TACC1: variants seen among roughly 807,000 people sequenced by gnomAD.
TACC1 encodes the protein transforming acidic coiled-coil containing protein 1.
Under a neutral mutation model 84.4 loss-of-function variants are expected in TACC1, and 48 were observed. That is an observed-to-expected ratio of 0.57 (90% CI 0.45 to 0.72). The LOEUF is 0.72. Among genes scored for constraint, TACC1 ranks in the 30% least tolerant of loss-of-function variants. The pLI is 0.00. For missense variants in TACC1, 920 were observed against 973.0 expected (o/e 0.95, Z 0.72); for synonymous variants, 372 against 376.3 (o/e 0.99, Z 0.13).
At chr8:38,783,106 CTATATA>C (rs72048692), upstream of TACC1, among the ~76,000 whole-genome samples, 2,269 of 87,382 alleles carry the variant, frequency 0.026, 81 homozygotes, top group African/African-American at 0.074. Context: ...ATCTATCTAT[CTATATA>C]TATATATATA....
chr8:38,840,821 A>G (rs1340598359), intron 9 of TACC1, among the ~76,000 whole-genome samples: 1 of 152,144 alleles, frequency 6.6e-6, no homozygotes, highest in Non-Finnish European at 1.5e-5. Flanking sequence ...AGGCTTGGGT[A>G]GGTGGATCAC....
intron 3 of TACC1, among the ~76,000 whole-genome samples, chr8:38,821,291 A>G (rs752496162): frequency 1.3e-5 from 2 of 152,230 alleles, no homozygotes; most frequent in Non-Finnish European, 2.9e-5. Flanking sequence ...GTCGTGTTAT[A>G]GACAATTCAA....
intron 5 of TACC1, chr8:38,827,714 G>A: frequency 3.8e-6 from 1 of 264,386 alleles, no homozygotes; most frequent in Admixed American, 5.0e-5. Flanking sequence ...ACCTGAGAAT[G>A]GCTAATTTAT....
chr8:38,754,234 G>A (rs1169598519), intron 3 of TACC1, among the ~76,000 whole-genome samples: 5 of 152,108 alleles, frequency 3.3e-5, no homozygotes, highest in Non-Finnish European at 5.9e-5. Flanking sequence ...TTACAGGTGT[G>A]AGCCACCGCG....
In TACC1 at chr8:38,820,652, G is replaced by A. The variant is rs758604617; in HGVS notation, c.1391+17G>A. ...TTTAATAACGTGAGTGACAGTGGGC[G>A]CTGGGTGTCGTGCTCTGTGTCTTGT... On this transcript the variant is annotated intron_variant, in intron 3 of 12. Transcript: ENST00000317827. 15 of 1,590,444 alleles carry A rather than the reference G, an allele frequency of 9.4e-6. No homozygotes were observed. The East Asian group carries it at 1.3e-4, about 14-fold the overall frequency.
intron 6 of TACC1, among the ~76,000 whole-genome samples, chr8:38,831,400 A>G (rs1435343059): frequency 6.6e-6 from 1 of 152,226 alleles, no homozygotes; most frequent in African/African-American, 2.4e-5. Flanking sequence ...AAGAAGAAGC[A>G]TAAATGTCTC....
rs558804902 is a variant in TACC1 at position 38,848,472 on chromosome 8, T to A, written c.*449T>A. ...TATTTAAGGAGACAGTTTGGCCTAT[T>A]GTTACTTCCAATTTATAATCAAGAA... On this transcript the variant is annotated 3_prime_UTR_variant, in exon 13 of 13. Transcript: ENST00000317827. The A allele has an allele frequency of 1.1e-4, 17 of 153,248 alleles. No individual in the cohort carries two copies. Among genetic ancestry groups the A allele is most frequent in the Non-Finnish European group, 2.2e-4 (15 of 68,478 alleles). The allele number at this position is 153,248 out of a possible 1,614,324, so 9.5% of individuals were successfully genotyped here. A position where few individuals can be genotyped will look rare whatever the true frequency, so the allele number is the denominator to read the frequency against.
At chr8:38,809,688 T>C (rs6474501) in intron 2 of TACC1, among the ~76,000 whole-genome samples, 3,605 of 152,172 alleles carry the variant, frequency 0.024, 129 homozygotes, top group African/African-American at 0.075. Context: ...GACTCCTTTC[T>C]TTGGGGGCTG....
At chr8:38,772,431 C>T (rs940708419) in intron 3 of TACC1, among the ~76,000 whole-genome samples, 1 of 152,218 alleles carries the variant, frequency 6.6e-6, no homozygotes, top group African/African-American at 2.4e-5. Flanking sequence ...GATTGCTCAT[C>T]ACGGTTTCAT....
At chr8:38,802,467 A>G (rs1385299888) in intron 2 of TACC1, among the ~76,000 whole-genome samples, 1 of 151,974 alleles carries the variant, frequency 6.6e-6, no homozygotes, top group Admixed American at 6.6e-5. Flanking sequence ...ATGCCTGATG[A>G]TCTGAGCTGG....
chr8:38,783,108 A>ATC (rs1414152135), upstream of TACC1, among the ~76,000 whole-genome samples: 3,798 of 84,388 alleles, frequency 0.045, 54 homozygotes, highest in African/African-American at 0.088. Context: ...CTATCTATCT[A>ATC]TATATATATA....
chr8:38,780,885 A>G (rs1815814176), intron 3 of TACC1, among the ~76,000 whole-genome samples: 1 of 152,176 alleles, frequency 6.6e-6, no homozygotes, highest in Non-Finnish European at 1.5e-5. Context: ...GCTGTGTATC[A>G]TGTCACAGAG....
chr8:38,795,843 C>A (rs1314595374), intron 2 of TACC1, among the ~76,000 whole-genome samples: 1 of 152,168 alleles, frequency 6.6e-6, no homozygotes, highest in Non-Finnish European at 1.5e-5. Context: ...TTCAAACAAA[C>A]ATGATTAGAT....
chr8:38,739,186 G>A (rs1176459879), intron 1 of TACC1, among the ~76,000 whole-genome samples: 1 of 152,190 alleles, frequency 6.6e-6, no homozygotes, highest in Non-Finnish European at 1.5e-5. Flanking sequence ...CATGTGTGCT[G>A]ACTTCTATGT....
Position 38,820,607 on chromosome 8 carries a change from C to G in TACC1, c.1363C>G (p.Pro455Ala). The part of the protein sequence containing the change: ...GNHVNEILES[P>A]KKAKSRLITS... ...TCACGTTAATGAAATCTTAGAATCACCCAAGAAGGCAAAGTCGCGTTTAAT... is the reference window on the plus strand; with the variant it reads ...TCACGTTAATGAAATCTTAGAATCAGCCAAGAAGGCAAAGTCGCGTTTAAT... The change falls in exon 3 of 13, where the codon CCC (proline) becomes GCC (alanine). Residue 455 changes from proline (P) to alanine (A), a missense_variant. Transcript: ENST00000317827. The G allele has an allele frequency of 1.2e-6, 2 of 1,610,098 alleles. No homozygotes were observed. The highest frequency in any genetic ancestry group is 1.7e-6 in the Non-Finnish European group (2 of 1,179,752).
chr8:38,811,651 T>G (rs1824169003), intron 2 of TACC1, among the ~76,000 whole-genome samples: 1 of 152,246 alleles, frequency 6.6e-6, no homozygotes, highest in African/African-American at 2.4e-5. Flanking sequence ...CTTACTTTAA[T>G]CTCTTAATCC....
intron 2 of TACC1, among the ~76,000 whole-genome samples, chr8:38,801,993 A>G (rs1821479319): frequency 6.6e-6 from 1 of 152,180 alleles, no homozygotes; most frequent in Admixed American, 6.5e-5. Context: ...GGCTCACTGC[A>G]GCCTCAACCT....
rs571347250 is a variant in TACC1, at chr8:38,816,555, A to G, written c.278-2967A>G. ...ACTGGCTATAAATTTGGGGATTCTC[A>G]TAACTCCTCTTCTCAGTTTCAGTAA... On this transcript the variant is annotated intron_variant, in intron 2 of 12. Coordinates refer to ENST00000317827, the MANE Select transcript of TACC1 (RefSeq NM_006283.3). 5.9e-5 allele frequency among the ~76,000 whole-genome samples: 9 copies of G among 152,312 alleles called. No individual in the cohort carries two copies. The South Asian group carries it at 1.9e-3, about 32-fold the overall frequency.
chr8:38,797,213 C>T (rs1354624149), intron 2 of TACC1, among the ~76,000 whole-genome samples: 1 of 152,250 alleles, frequency 6.6e-6, no homozygotes, highest in African/African-American at 2.4e-5. Flanking sequence ...GTGACTTAGC[C>T]TCAAAAGTCA....
Sources: allele counts gnomAD v4.1 joint callset (sites outside exome capture counted in the v4.1 genomes callset), GRCh38; gene constraint gnomAD v4.1.1; transcripts MANE v1.5; gene names NCBI Gene and HGNC (gene_info 2026-07-23, HGNC 2026-07-21).